The following TNFRSF25 variants were observed in gnomAD, a reference collection of about 807,000 sequenced individuals.
TNFRSF25 encodes tumor necrosis factor receptor superfamily member 25.
A neutral mutation model predicts 49.4 loss-of-function variants in TNFRSF25; 28 were observed. That is an observed-to-expected ratio of 0.57 (90% CI 0.42 to 0.78). The LOEUF (loss-of-function observed/expected upper bound fraction) is 0.78, where lower values mean the gene tolerates loss of function less well. Among genes scored for constraint, TNFRSF25 ranks in the 30% least tolerant of loss-of-function variants. The pLI is 0.00. For missense variants in TNFRSF25, 531 were observed against 581.6 expected (o/e 0.91, Z 0.90); for synonymous variants, 240 against 234.2 (o/e 1.02, Z -0.23).
At chr1:6,464,234 G>A in intron 5 of TNFRSF25, 141 bp downstream of exon 5, 2 of 1,490,948 alleles carry the variant, frequency 1.3e-6, no homozygotes, top group Non-Finnish European at 9.0e-7. Context: ...TGCCTGAAGT[G>A]GGGCCCACCC....
In TNFRSF25 at chr1:6,461,557, C is replaced by T. The variant is rs754969764; in HGVS notation, c.1131G>A (p.Glu377=). 1.2e-6 allele frequency: 2 copies of T among 1,610,110 alleles called. No homozygotes were observed. The highest frequency in any genetic ancestry group is 1.7e-5 in the Admixed American group (1 of 59,962). ...EIGRFRDQQY[E]MLKRWRQQQP... is the part of the protein sequence containing the mutation. ...GCTGCTGGCGCCAGCGCTTGAGCAT[C>T]TCGTACTGCTGGTCTCGGAAGCGGC... Residue 377 remains glutamate (E), a synonymous_variant, in exon 10 of 10, where the codon GAG becomes GAA. Coordinates refer to ENST00000356876, the MANE Select transcript of TNFRSF25 (RefSeq NM_003790.3). The surrounding 1 kb of genome is among the most constrained non-coding windows in gnomAD (Gnocchi z 6.3).
In TNFRSF25 at chr1:6,466,146, GCT is replaced by G. The variant is rs1644366191; in HGVS notation, c.-41_-40del. ...GCGCCCAGGGGCTTCCCGGCTCCGT[GCT>G]CTCTGCCCGTCGTGGTTCCGCCTTC... On this transcript the variant is annotated 5_prime_UTR_variant, in exon 1 of 10. Transcript: ENST00000356876. 1 of 1,212,696 alleles carries G rather than the reference GCT, an allele frequency of 8.2e-7. No homozygotes were observed. The highest frequency in any genetic ancestry group is 1.0e-6 in the Non-Finnish European group (1 of 959,768). 75.1% of individuals were successfully genotyped at this position (1,212,696 alleles called of 1,614,324 possible). A position where few individuals can be genotyped will look rare whatever the true frequency, so the allele number is the denominator to read the frequency against.
At position 6,462,023 on chromosome 1, in the gene TNFRSF25, G is replaced by GACC. The variant is rs763180863; in HGVS notation, c.893_895dup (p.Trp298dup). ...AGCTCTGCTGGGCAACTGGTCCCAG[G>GACC]ACCATGTCACCTGCGGGCAGAGCGC... On this transcript the variant is annotated inframe_insertion, in exon 9 of 10. Coordinates refer to ENST00000356876, the MANE Select transcript of TNFRSF25 (RefSeq NM_003790.3). The surrounding 1 kb of genome is among the most constrained non-coding windows in gnomAD (Gnocchi z 4.2). The GACC allele has an allele frequency of 6.2e-7, 1 of 1,612,568 alleles. No individual in the cohort carries two copies. Among genetic ancestry groups the GACC allele is most frequent in the Non-Finnish European group, 8.5e-7 (1 of 1,179,638 alleles).
chr1:6,463,447 C>G (rs753710339), intron 5 of TNFRSF25: 1 of 373,124 alleles, frequency 2.7e-6, no homozygotes, highest in South Asian at 4.3e-5. Context: ...TGAATGGAGG[C>G]CGGGCGCGGT....
Position 6,465,319 on chromosome 1 carries a change from C to T in TNFRSF25, c.161-97G>A. ...CCTCCCTCCCTCTTTCTCTCCAGCT[C>T]CCTACTTCTCTGTCAGCCTACCCCT... On this transcript the variant is annotated intron_variant, in intron 2 of 9. Coordinates refer to ENST00000356876, the MANE Select transcript of TNFRSF25 (RefSeq NM_003790.3). The T allele has an allele frequency of 5.2e-6, 8 of 1,531,710 alleles. 1 individual carries two copies. In the South Asian group the frequency reaches 8.3e-5, roughly 16 times the overall value. 94.9% of individuals were successfully genotyped at this position (1,531,710 alleles called of 1,614,324 possible).
chr1:6,463,118 C>T lies in TNFRSF25; in HGVS notation c.552G>A (p.Leu184=). The stretch of plus-strand genomic sequence containing the variant: ...CGGCACAGCGCTCTGGACAGCTCCC[C>T]AGGGTGCTCCTGCAAGGGACGGGGG... ...DGCVSCPTST[L]GSCPERCAAV... The change falls in exon 6 of 10, where the codon CTG becomes CTA. Residue 184 remains leucine (L), a synonymous_variant. Coordinates refer to ENST00000356876, the MANE Select transcript of TNFRSF25 (RefSeq NM_003790.3). 1.3e-6 allele frequency: 2 copies of T among 1,551,578 alleles called. No homozygotes were observed. The highest frequency in any genetic ancestry group is 1.7e-6 in the Non-Finnish European group (2 of 1,146,980).
In TNFRSF25 at chr1:6,466,169, C is replaced by T. The variant is rs1233163705; in HGVS notation, c.-62G>A. ...GTGCTCTCTGCCCGTCGTGGTTCCGCCTTCAGCCCCGCGCCCGCAGGGCCC... is the reference window on the plus strand; with the variant it reads ...GTGCTCTCTGCCCGTCGTGGTTCCGTCTTCAGCCCCGCGCCCGCAGGGCCC... On this transcript the variant is annotated 5_prime_UTR_variant, in exon 1 of 10. Coordinates refer to ENST00000356876, the MANE Select transcript of TNFRSF25 (RefSeq NM_003790.3). The T allele has an allele frequency of 4.4e-6, 6 of 1,348,698 alleles. No homozygotes were observed. Among genetic ancestry groups the T allele is most frequent in the Non-Finnish European group, 4.7e-6 (5 of 1,057,784 alleles). 83.5% of individuals were successfully genotyped at this position (1,348,698 alleles called of 1,614,324 possible).
chr1:6,460,932 T>C lies in TNFRSF25; in HGVS notation c.*502A>G, dbSNP rs1180385332. 1.1e-5 allele frequency: 4 copies of C among 361,794 alleles called. No individual in the cohort carries two copies. The highest frequency in any genetic ancestry group is 2.3e-5 in the Non-Finnish European group (4 of 177,660). The allele number at this position is 361,794 out of a possible 1,614,324, so 22.4% of individuals were successfully genotyped here. ...CCCATTAAAGCGCTCTCATCTGGGC[T>C]CCGGTTCACTCACTCGCTGTGGCCG... On this transcript the variant is annotated 3_prime_UTR_variant, in exon 10 of 10. Transcript: ENST00000356876.
At position 6,462,297 on chromosome 1, in the gene TNFRSF25, C is replaced by G; in HGVS notation, c.745-123G>C. On this transcript the variant is annotated intron_variant, in intron 8 of 9. Coordinates refer to ENST00000356876, the MANE Select transcript of TNFRSF25 (RefSeq NM_003790.3). This position sits in a 1 kb window ranked among gnomAD's most constrained non-coding sequence, Gnocchi z 4.2. ...GCAGACACCCCCGCAATGACACCTC[C>G]CACAGTTGGCCCTGCTCTCACTGTA... 7.6e-7 allele frequency: 1 copy of G among 1,318,638 alleles called. No individual in the cohort carries two copies. Among genetic ancestry groups the G allele is most frequent in the Non-Finnish European group, 1.0e-6 (1 of 977,148 alleles). 81.7% of individuals were successfully genotyped at this position (1,318,638 alleles called of 1,614,324 possible). A position where few individuals can be genotyped will look rare whatever the true frequency, so the allele number is the denominator to read the frequency against.
rs1479913560 is a variant in TNFRSF25 at position 6,462,831 on chromosome 1, T to C, written c.706+32A>G. The C allele has an allele frequency of 6.3e-7, 1 of 1,585,416 alleles. No homozygotes were observed. Among genetic ancestry groups the C allele is most frequent in the Admixed American group, 1.8e-5 (1 of 55,694 alleles). ...TGGGCTACCCATCCTGACCCCAGGC[T>C]TCTGGGTGCGTGTGTGGGTGTGTGT... On this transcript the variant is annotated intron_variant, in intron 7 of 9. Transcript: ENST00000356876. The surrounding 1 kb of genome is among the most constrained non-coding windows in gnomAD (Gnocchi z 4.2).
chr1:6,463,542 C>T (rs3138154), intron 5 of TNFRSF25: 21,594 of 183,074 alleles, frequency 0.12, 1,315 homozygotes, highest in Admixed American at 0.14. Flanking sequence ...TTGGCTAACA[C>T]GGTGAAACCC....
In TNFRSF25 at chr1:6,461,680, G is replaced by A. The variant is rs1446807946; in HGVS notation, c.1008C>T (p.Tyr336=). ...GCGCTGGGACCGCGTCCATCACGTC[G>A]TAGAGCTGCGGGCCCGGCTGCAGCA... ...AMMLQPGPQL[Y]DVMDAVPARR... The change falls in exon 10 of 10, where the codon TAC becomes TAT. Residue 336 remains tyrosine (Y), a synonymous_variant. Coordinates refer to ENST00000356876, the MANE Select transcript of TNFRSF25 (RefSeq NM_003790.3). This position sits in a 1 kb window ranked among gnomAD's most constrained non-coding sequence, Gnocchi z 6.3. 9 of 1,587,964 alleles carry A rather than the reference G, an allele frequency of 5.7e-6. No homozygotes were observed. The highest frequency in any genetic ancestry group is 5.1e-6 in the Non-Finnish European group (6 of 1,172,846).
chr1:6,465,952 C>A, intron 1 of TNFRSF25, 117 bp downstream of exon 1: 3 of 1,457,286 alleles, frequency 2.1e-6, no homozygotes, highest in South Asian at 2.7e-5. Flanking sequence ...TCGGAAAGGG[C>A]GGCCAACCCA....
Position 6,463,101 on chromosome 1 carries a change from C to T in TNFRSF25, c.569G>A (p.Arg190His), listed in dbSNP as rs184760605. Reference protein sequence around the residue: ...PTSTLGSCPERCAAVCGWRQM... With the variant: ...PTSTLGSCPEHCAAVCGWRQM... ...CCTCCAGCCACAGACAGCGGCACAGCGCTCTGGACAGCTCCCCAGGGTGCT... is the reference window on the plus strand; with the variant it reads ...CCTCCAGCCACAGACAGCGGCACAGTGCTCTGGACAGCTCCCCAGGGTGCT... The change falls in exon 6 of 10, where the codon CGC (arginine) becomes CAC (histidine). Residue 190 changes from arginine (R) to histidine (H), a missense_variant. Transcript: ENST00000356876. 34 of 1,551,756 alleles carry T rather than the reference C, an allele frequency of 2.2e-5. No individual in the cohort carries two copies. The highest frequency in any genetic ancestry group is 3.9e-5 in the Admixed American group (2 of 51,016).
In TNFRSF25 at chr1:6,464,135, G is replaced by A. The variant is rs774520798; in HGVS notation, c.542+240C>T. On this transcript the variant is annotated intron_variant, in intron 5 of 9. Transcript: ENST00000356876. ...TCATCTGTAATATCTGGCTAGGATCGCTGGGGGGAATGCTGGCTGAAAGTG... is the reference window on the plus strand; with the variant it reads ...TCATCTGTAATATCTGGCTAGGATCACTGGGGGGAATGCTGGCTGAAAGTG... 8 of 1,386,452 alleles carry A rather than the reference G, an allele frequency of 5.8e-6. No individual in the cohort carries two copies. In the African/African-American group the frequency reaches 5.8e-5, roughly 10 times the overall value. 85.9% of individuals were successfully genotyped at this position (1,386,452 alleles called of 1,614,324 possible).
intron 1 of TNFRSF25, 30 bp from the exon 2 acceptor site, chr1:6,465,590 G>A (rs539435927): frequency 3.1e-5 from 50 of 1,604,430 alleles, no homozygotes; most frequent in African/African-American, 2.8e-4. Flanking sequence ...GACTCTCAGC[G>A]CAGCTGCCCA....
rs774788181 is a variant in TNFRSF25 at position 6,461,619 on chromosome 1, G to T, written c.1069C>A (p.Arg357Ser). The T allele has an allele frequency of 6.2e-7, 1 of 1,608,922 alleles. No homozygotes were observed. The part of the protein sequence containing the change: ...WKEFVRTLGL[R>S]EAEIEAVEVE... ...TCCACGGCTTCGATCTCTGCCTCGC[G>T]CAGCCCCAGCGTGCGCACGAACTCC... The change falls in exon 10 of 10, where the codon CGC becomes AGC. Residue 357 changes from arginine to serine, a missense_variant. Transcript: ENST00000356876. This position sits in a 1 kb window ranked among gnomAD's most constrained non-coding sequence, Gnocchi z 6.3.
rs1412604338 is a variant in TNFRSF25 at position 6,461,628 on chromosome 1, G to A, written c.1060C>T (p.Leu354=). The change falls in exon 10 of 10, where the codon CTG becomes TTG. Residue 354 remains leucine (L), a synonymous_variant. Transcript: ENST00000356876. This position sits in a 1 kb window ranked among gnomAD's most constrained non-coding sequence, Gnocchi z 6.3. ...TCGATCTCTGCCTCGCGCAGCCCCA[G>A]CGTGCGCACGAACTCCTTCCAGCGC... ...ARRWKEFVRT[L]GLREAEIEAV... 4 of 1,608,338 alleles carry A rather than the reference G, an allele frequency of 2.5e-6. No homozygotes were observed. The highest frequency in any genetic ancestry group is 2.2e-5 in the South Asian group (2 of 90,940).
At position 6,461,769 on chromosome 1, in the gene TNFRSF25, C is replaced by T. The variant is rs766618551; in HGVS notation, c.926-7G>A. 7 of 1,514,552 alleles carry T rather than the reference C, an allele frequency of 4.6e-6. No individual in the cohort carries two copies. The highest frequency in any genetic ancestry group is 6.2e-6 in the Non-Finnish European group (7 of 1,133,480). 93.8% of individuals were successfully genotyped at this position (1,514,552 alleles called of 1,614,324 possible). On this transcript the variant is annotated splice_polypyrimidine_tract_variant and splice_region_variant and intron_variant, in intron 9 of 9. Coordinates refer to ENST00000356876, the MANE Select transcript of TNFRSF25 (RefSeq NM_003790.3). The surrounding 1 kb of genome is among the most constrained non-coding windows in gnomAD (Gnocchi z 6.3). ...GTGGGCGCAGCAGCGGGGCCTGGGG[C>T]AGGGCCAGAGAGAGCCAATTGGGGT... is the stretch of plus-strand genomic sequence containing the variant.
Sources: allele counts gnomAD v4.1 joint callset, GRCh38; gene constraint gnomAD v4.1.1; non-coding constraint Gnocchi (gnomAD v3.1); transcripts MANE v1.5; gene names NCBI Gene and HGNC (gene_info 2026-07-23, HGNC 2026-07-21).